The following RAD54L variants were observed in gnomAD, a reference collection of about 807,000 sequenced individuals.
RAD54L encodes RAD54 like.
In RAD54L, 74 loss-of-function variants were observed where a neutral mutation model predicts 91.6. That is an observed-to-expected ratio of 0.81 (90% CI 0.67 to 0.98). The LOEUF (loss-of-function observed/expected upper bound fraction) is 0.98, where lower values mean the gene tolerates loss of function less well. Ranked by LOEUF, RAD54L falls within the 50% of genes least tolerant of loss-of-function variation. The pLI is 0.00. For synonymous variants in RAD54L, 304 were observed against 349.7 expected (o/e 0.87, Z 1.46); for missense variants, 887 against 945.7 (o/e 0.94, Z 0.81).
intron 11 of RAD54L, 21 bp from the exon 12 acceptor site, chr1:46,272,651 T>G: frequency 6.2e-7 from 1 of 1,614,168 alleles, no homozygotes; most frequent in East Asian, 2.2e-5. Flanking sequence ...CTTTTTCCAC[T>G]GACCCAGCTG....
Position 46,260,568 on chromosome 1 carries a change from T to C in RAD54L, c.434T>C (p.Val145Ala). The C allele has an allele frequency of 1.2e-6, 2 of 1,614,170 alleles. No homozygotes were observed. The change falls in exon 6 of 18, where the codon GTT (valine) becomes GCT (alanine). Residue 145 changes from valine to alanine, a missense_variant. Physicochemically the swap from Val to Ala is moderately conservative, Grantham distance 64. Coordinates refer to ENST00000371975, the MANE Select transcript of RAD54L (RefSeq NM_003579.4). Reference sequence around the variant, plus strand: ...GAGAAACTCCCTGTCCATGTGGTTGTTGACCCTATTCTCAGTAAGGTTTTG... The same window carrying C: ...GAGAAACTCCCTGTCCATGTGGTTGCTGACCCTATTCTCAGTAAGGTTTTG... ...DKEKLPVHVV[V>A]DPILSKVLRP...
chr1:46,253,292 G>A (rs1179298506), intron 3 of RAD54L, among the ~76,000 whole-genome samples: 1 of 152,144 alleles, frequency 6.6e-6, no homozygotes, highest in Non-Finnish European at 1.5e-5. Flanking sequence ...TTGTATTAAT[G>A]CTTTACATCC....
chr1:46,258,335 T>G (rs1569576203), intron 3 of RAD54L, among the ~76,000 whole-genome samples: 1 of 150,666 alleles, frequency 6.6e-6, no homozygotes, highest in East Asian at 1.9e-4. Flanking sequence ...TTGTGAGGTG[T>G]GCTTGGGAAG....
intron 16 of RAD54L, 116 bp downstream of exon 16, chr1:46,274,833 T>C: frequency 1.6e-6 from 2 of 1,234,966 alleles, no homozygotes; most frequent in Non-Finnish European, 2.4e-6. Context: ...AGCCAAGCTA[T>C]GGGCCCAGAA....
intron 10 of RAD54L, 59 bp downstream of exon 10, chr1:46,270,844 T>C: frequency 6.2e-7 from 1 of 1,607,162 alleles, no homozygotes; most frequent in Non-Finnish European, 8.5e-7. Context: ...GGCCAATCCT[T>C]TGGGGGCTTT....
intron 2 of RAD54L, 83 bp from the exon 3 acceptor site, chr1:46,249,917 T>TAA: frequency 6.7e-7 from 1 of 1,500,760 alleles, no homozygotes; most frequent in South Asian, 1.1e-5. Context: ...GCCTGGCACT[T>TAA]AATAAGCACT....
At position 46,272,488 on chromosome 1, in the gene RAD54L, G is replaced by T; in HGVS notation, c.1192G>T (p.Asp398Tyr). The change falls in exon 11 of 18, where the codon GAT (aspartate) becomes TAT (tyrosine). Residue 398 changes from aspartate (D) to tyrosine (Y), a missense_variant. Asp to Tyr is a radical substitution (Grantham distance 160). Coordinates refer to ENST00000371975, the MANE Select transcript of RAD54L (RefSeq NM_003579.4). ...VNRCLIRRTS[D>Y]ILSKYLPVKI... ...TAGATGCCTGATACGGAGGACTTCT[G>T]ATATCCTTTCTAAATATCTGCCTGT... 1 of 1,612,238 alleles carries T rather than the reference G, an allele frequency of 6.2e-7. No individual in the cohort carries two copies. The highest frequency in any genetic ancestry group is 8.5e-7 in the Non-Finnish European group (1 of 1,178,296).
intron 3 of RAD54L, among the ~76,000 whole-genome samples, chr1:46,258,020 C>A (rs945915015): frequency 6.6e-6 from 1 of 152,026 alleles, no homozygotes; most frequent in African/African-American, 2.4e-5. Flanking sequence ...TGGTAGCCAT[C>A]ATTATTTTTA....
intron 8 of RAD54L, among the ~76,000 whole-genome samples, chr1:46,264,573 A>G (rs1209290931): frequency 6.6e-6 from 1 of 152,214 alleles, no homozygotes; most frequent in African/African-American, 2.4e-5. Flanking sequence ...GGGCTACTTG[A>G]AAGGGATATG....
intron 8 of RAD54L, among the ~76,000 whole-genome samples, chr1:46,262,264 G>A (rs1461171358): frequency 4.6e-5 from 7 of 151,374 alleles, no homozygotes; most frequent in Non-Finnish European, 7.4e-5. Flanking sequence ...AAAATTAGCC[G>A]AGCGTGGTGG....
intron 10 of RAD54L, among the ~76,000 whole-genome samples, chr1:46,272,099 A>G (rs142801318): frequency 0.016 from 2,003 of 127,192 alleles, 61 homozygotes; most frequent in African/African-American, 0.059. Flanking sequence ...CTGGAATGCA[A>G]TGGGGCGATC....
intron 6 of RAD54L, 43 bp from the exon 7 acceptor site, chr1:46,260,684 G>A (rs1467707282): frequency 1.2e-6 from 2 of 1,613,912 alleles, no homozygotes; most frequent in Non-Finnish European, 1.7e-6. Flanking sequence ...TGGGACAGCA[G>A]CAGCGTAGGT....
At chr1:46,259,845 C>A in intron 4 of RAD54L, 119 bp from the exon 5 acceptor site, 1 of 1,352,556 alleles carries the variant, frequency 7.4e-7, no homozygotes, top group Non-Finnish European at 1.1e-6. Flanking sequence ...GAGGCATTCT[C>A]AGAGAGAGAG....
intron 3 of RAD54L, among the ~76,000 whole-genome samples, chr1:46,255,843 G>C (rs1197071027): frequency 6.6e-6 from 1 of 151,984 alleles, no homozygotes; most frequent in Non-Finnish European, 1.5e-5. Flanking sequence ...TTTTGGCCAG[G>C]GGTCTCCACA....
Position 46,248,002 on chromosome 1 carries a change from C to T in RAD54L, c.-404C>T, listed in dbSNP as rs866652957. 3.1e-6 allele frequency: 1 copy of T among 319,386 alleles called. No homozygotes were observed. Among genetic ancestry groups the T allele is most frequent in the Non-Finnish European group, 6.0e-6 (1 of 165,492 alleles). 19.8% of individuals were successfully genotyped at this position (319,386 alleles called of 1,614,324 possible). On this transcript the variant is annotated 5_prime_UTR_variant, in exon 1 of 18. Coordinates refer to ENST00000371975, the MANE Select transcript of RAD54L (RefSeq NM_003579.4). ...GGGCCTCGGACTTTCACCCCAGCTT[C>T]TCTCTCCTGGCCAGTGATTACCCAC...
intron 4 of RAD54L, among the ~76,000 whole-genome samples, 189 bp from the exon 5 acceptor site, chr1:46,259,775 C>CAAA (rs368127843): frequency 9.7e-6 from 1 of 103,614 alleles, no homozygotes; most frequent in Non-Finnish European, 2.0e-5. Flanking sequence ...GACTCCATCT[C>CAAA]AAAAAAAAAA....
intron 9 of RAD54L, among the ~76,000 whole-genome samples, chr1:46,270,337 G>C (rs1474652968): frequency 6.6e-6 from 1 of 151,996 alleles, no homozygotes; most frequent in Admixed American, 6.5e-5. Flanking sequence ...CTCCAGCCTG[G>C]GTGACAGAGC....
chr1:46,254,801 G>A (rs1218460424), intron 3 of RAD54L, among the ~76,000 whole-genome samples: 1 of 152,120 alleles, frequency 6.6e-6, no homozygotes, highest in Non-Finnish European at 1.5e-5. Context: ...TGCCCAGGCA[G>A]GTTTCAAACT....
At position 46,277,978 on chromosome 1, in the gene RAD54L, C is replaced by G. The variant is rs2148308202; in HGVS notation, c.2031C>G (p.Asp677Glu). 1.2e-6 allele frequency: 2 copies of G among 1,614,164 alleles called. No individual in the cohort carries two copies. The highest frequency in any genetic ancestry group is 1.7e-6 in the Non-Finnish European group (2 of 1,180,038). ...AAGCTAGCCTCAGTGACACACATGACAGGTGGGGAAGTGCCCTAACCATTA... is the reference window on the plus strand; with the variant it reads ...AAGCTAGCCTCAGTGACACACATGAGAGGTGGGGAAGTGCCCTAACCATTA... ...LDEASLSDTHDRLHCRRCVNS... is the reference protein window; with the variant it reads ...LDEASLSDTHERLHCRRCVNS... Residue 677 changes from aspartate to glutamate, a missense_variant and splice_region_variant, in exon 17 of 18, where the codon GAC (aspartate) becomes GAG (glutamate). Physicochemically the swap from Asp to Glu is conservative, Grantham distance 45. Transcript: ENST00000371975.
Sources: allele counts gnomAD v4.1 joint callset (sites outside exome capture counted in the v4.1 genomes callset), GRCh38; gene constraint gnomAD v4.1.1; transcripts MANE v1.5; gene names NCBI Gene and HGNC (gene_info 2026-07-23, HGNC 2026-07-21).